The following ZNF385D variants were observed in gnomAD, a reference collection of about 807,000 sequenced individuals.
ZNF385D encodes zinc finger protein 659.
ZNF385D carries 15 observed loss-of-function variants against 35.8 expected under a neutral mutation model. The ratio of observed to expected loss-of-function variants is 0.42; its 90% CI spans 0.28 to 0.64. The LOEUF (loss-of-function observed/expected upper bound fraction) is 0.64. Ranked by LOEUF, ZNF385D falls within the 30% of genes least tolerant of loss-of-function variation. ZNF385D has a pLI of 0.23. For synonymous variants in ZNF385D, 212 were observed against 186.8 expected (o/e 1.13, Z -1.10); for missense variants, 474 against 494.6 (o/e 0.96, Z 0.39).
At chr3:22,056,414 G>A (rs1327422934) in intron 3 of ZNF385D, among the ~76,000 whole-genome samples, 2 of 151,670 alleles carry the variant, frequency 1.3e-5, no homozygotes, top group Non-Finnish European at 2.9e-5. Flanking sequence ...AAGATGATAA[G>A]CTAAAATTCC....
At chr3:21,859,303 G>T (rs945512225) in intron 3 of ZNF385D, among the ~76,000 whole-genome samples, 5 of 151,918 alleles carry the variant, frequency 3.3e-5, no homozygotes, top group Non-Finnish European at 5.9e-5. Context: ...AGAAAGCTTG[G>T]AACAAAAGGA....
intron 3 of ZNF385D, among the ~76,000 whole-genome samples, chr3:22,044,785 C>T (rs1244940485): frequency 1.3e-5 from 2 of 152,010 alleles, no homozygotes; most frequent in Admixed American, 6.6e-5. Flanking sequence ...TCAAGTTTCT[C>T]ATGAAACAAA....
chr3:21,860,069 T>C (rs1333778116), intron 3 of ZNF385D, among the ~76,000 whole-genome samples: 2 of 152,126 alleles, frequency 1.3e-5, no homozygotes, highest in Non-Finnish European at 2.9e-5. Context: ...TCACAGGCTC[T>C]TTTAGGGTTA....
At chr3:22,251,715 A>G (rs569796696) in intron 2 of ZNF385D, among the ~76,000 whole-genome samples, 2 of 152,130 alleles carry the variant, frequency 1.3e-5, no homozygotes, top group East Asian at 3.9e-4. Context: ...TCACCCCCTC[A>G]TCTTTGTGGA....
intron 3 of ZNF385D, among the ~76,000 whole-genome samples, chr3:21,784,659 T>A (rs1463389173): frequency 1.3e-5 from 2 of 151,966 alleles, no homozygotes; most frequent in Non-Finnish European, 2.9e-5. Flanking sequence ...AATGTATTTT[T>A]AAATTGTATA....
At chr3:21,515,778 G>A (rs1263441106) in intron 3 of ZNF385D, among the ~76,000 whole-genome samples, 3 of 152,138 alleles carry the variant, frequency 2.0e-5, no homozygotes, top group Non-Finnish European at 4.4e-5. Context: ...AACCACCTTT[G>A]TAAGACCTAT....
chr3:21,663,919 T>TA lies in ZNF385D; in HGVS notation c.165+966_165+967insT, dbSNP rs1201308131. 6.0e-3 allele frequency among the ~76,000 whole-genome samples: 237 copies of TA among 39,250 alleles called. 3 individuals are homozygous for TA. The highest frequency in any genetic ancestry group is 8.4e-3 in the Non-Finnish European group (152 of 18,108). 25.7% of individuals were successfully genotyped at this position (39,250 alleles called of 152,430 possible). On this transcript the variant is annotated intron_variant, in intron 2 of 7. Transcript: ENST00000281523. ...TATATATATATATATATATATATAT[T>TA]TATTTATTTAAATCCATCATGGGGA...
intron 4 of ZNF385D, among the ~76,000 whole-genome samples, chr3:21,477,509 A>G (rs1704332281): frequency 6.6e-6 from 1 of 152,124 alleles, no homozygotes; most frequent in Non-Finnish European, 1.5e-5. Flanking sequence ...TTTAGCAAAG[A>G]TCTCCCTAAC....
intron 3 of ZNF385D, among the ~76,000 whole-genome samples, chr3:21,996,451 C>T (rs1280790726): frequency 6.6e-6 from 1 of 152,130 alleles, no homozygotes; most frequent in Non-Finnish European, 1.5e-5. Context: ...GATGATCTAT[C>T]CAAAGTGTGG....
intron 3 of ZNF385D, among the ~76,000 whole-genome samples, chr3:21,824,509 G>A (rs1284338076): frequency 6.6e-6 from 1 of 151,958 alleles, no homozygotes; most frequent in Non-Finnish European, 1.5e-5. Flanking sequence ...ATGTACATAT[G>A]TCTGTACATA....
intron 3 of ZNF385D, among the ~76,000 whole-genome samples, chr3:22,122,697 A>G (rs761137775): frequency 1.6e-4 from 24 of 152,192 alleles, no homozygotes; most frequent in Non-Finnish European, 2.8e-4. Flanking sequence ...TGGGGGAGGT[A>G]ACAATTTGGA....
intron 1 of ZNF385D, among the ~76,000 whole-genome samples, chr3:21,745,690 G>C (rs1216309519): frequency 3.3e-5 from 5 of 152,204 alleles, no homozygotes; most frequent in Admixed American, 6.5e-5. Context: ...GAAAGAGAGA[G>C]GGCAGGGACT....
intron 3 of ZNF385D, among the ~76,000 whole-genome samples, chr3:22,140,861 A>G (rs976964707): frequency 1.3e-5 from 2 of 152,224 alleles, no homozygotes; most frequent in Admixed American, 1.3e-4. Context: ...AATTAGTTCC[A>G]TTATTATCAG....
At chr3:22,223,073 T>C (rs530646807) in intron 2 of ZNF385D, among the ~76,000 whole-genome samples, 28 of 152,274 alleles carry the variant, frequency 1.8e-4, no homozygotes, top group Admixed American at 5.9e-4. Flanking sequence ...CTATACTTTC[T>C]TGGATATTAT....
chr3:21,681,992 T>C (rs936827496), intron 1 of ZNF385D, among the ~76,000 whole-genome samples: 8 of 152,116 alleles, frequency 5.3e-5, no homozygotes, highest in Admixed American at 3.3e-4. Context: ...TCATGACAAA[T>C]GTTTGACATC....
chr3:21,682,786 A>G (rs116813062), intron 1 of ZNF385D, among the ~76,000 whole-genome samples: 1,699 of 149,484 alleles, frequency 0.011, 102 homozygotes, highest in African/African-American at 0.039. Flanking sequence ...TTTGTGAGCT[A>G]TCAGTTCTAT....
chr3:22,344,213 C>T (rs1328036294), intron 2 of ZNF385D, among the ~76,000 whole-genome samples: 1 of 112,510 alleles, frequency 8.9e-6, no homozygotes, highest in Non-Finnish European at 1.9e-5. Flanking sequence ...TGTGAAATTA[C>T]ATGACCAGGA....
At chr3:22,168,195 C>CCT (rs1472085766) in intron 3 of ZNF385D, among the ~76,000 whole-genome samples, 1 of 152,148 alleles carries the variant, frequency 6.6e-6, no homozygotes, top group Non-Finnish European at 1.5e-5. Context: ...GGCCCACCCT[C>CCT]CTCTCTTCAT....
intron 3 of ZNF385D, among the ~76,000 whole-genome samples, chr3:22,119,100 C>CAA (rs1702953327): frequency 6.6e-6 from 1 of 152,118 alleles, no homozygotes; most frequent in Admixed American, 6.6e-5. Flanking sequence ...ACAGGGGCTA[C>CAA]AAAGCCCAGG....
Sources: allele counts gnomAD v4.1 joint callset (sites outside exome capture counted in the v4.1 genomes callset), GRCh38; gene constraint gnomAD v4.1.1; transcripts MANE v1.5; gene names NCBI Gene and HGNC (gene_info 2026-07-23, HGNC 2026-07-21).